The following CYSTM1 variants were observed in gnomAD, a reference collection of about 807,000 sequenced individuals.
CYSTM1 encodes the protein cysteine-rich transmembrane module-containing protein 1.
Under a neutral mutation model 13.1 loss-of-function variants are expected in CYSTM1, and 4 were observed. The ratio of observed to expected loss-of-function variants is 0.31; its 90% CI spans 0.15 to 0.70. CYSTM1 has a LOEUF of 0.70. CYSTM1 is among the 30% of genes least tolerant of loss of function. The probability of loss-of-function intolerance (pLI) is 0.72; values close to 1 mark genes in which losing one functional copy is unlikely to be tolerated. For synonymous variants in CYSTM1, 36 were observed against 42.7 expected (o/e 0.84, Z 0.62); for missense variants, 96 against 121.6 (o/e 0.79, Z 0.99).
chr5:140,241,624 G>T (rs764701311), intron 2 of CYSTM1, among the ~76,000 whole-genome samples: 66 of 152,212 alleles, frequency 4.3e-4, no homozygotes, highest in Non-Finnish European at 8.4e-4. Context: ...CAGGGAAGGG[G>T]TTATTCAAGG....
intron 1 of CYSTM1, among the ~76,000 whole-genome samples, chr5:140,184,792 G>A (rs1478378917): frequency 6.6e-6 from 1 of 152,206 alleles, no homozygotes; most frequent in Non-Finnish European, 1.5e-5. Flanking sequence ...CTCTGTTGAA[G>A]GGAACTTCTC....
At chr5:140,206,789 C>T (rs1270757615) in intron 2 of CYSTM1, among the ~76,000 whole-genome samples, 5 of 152,088 alleles carry the variant, frequency 3.3e-5, no homozygotes, top group East Asian at 1.9e-4. Context: ...TGCCATTGTA[C>T]CTAGCTAATT....
chr5:140,222,230 T>C (rs865781060), intron 2 of CYSTM1, among the ~76,000 whole-genome samples: 6 of 152,386 alleles, frequency 3.9e-5, no homozygotes, highest in Admixed American at 1.3e-4. Context: ...TTATCCCCCA[T>C]GTCTTCCAGT....
At chr5:140,197,769 A>G (rs1413253675) in intron 2 of CYSTM1, among the ~76,000 whole-genome samples, 2 of 146,020 alleles carry the variant, frequency 1.4e-5, no homozygotes, top group East Asian at 2.0e-4. Context: ...AGTGTGTGGC[A>G]TATTATGTTA....
rs112462136 is a variant in CYSTM1 at position 140,229,607 on chromosome 5, G to A, written c.188-13698G>A. ...TTTGAAAACTCATTTTCTATTCCAAGCTCATAAAAATAAGTCTATATTTTC... is the reference window on the plus strand; with the variant it reads ...TTTGAAAACTCATTTTCTATTCCAAACTCATAAAAATAAGTCTATATTTTC... On this transcript the variant is annotated intron_variant, in intron 2 of 2. Transcript: ENST00000261811. Among the ~76,000 whole-genome samples the A allele has an allele frequency of 1.6e-3, 246 of 152,224 alleles. 1 individual carries two copies. Among genetic ancestry groups the A allele is most frequent in the African/African-American group, 5.8e-3 (242 of 41,566 alleles).
intron 2 of CYSTM1, among the ~76,000 whole-genome samples, chr5:140,205,703 C>G (rs1309725761): frequency 1.3e-5 from 2 of 152,134 alleles, no homozygotes; most frequent in Non-Finnish European, 2.9e-5. Flanking sequence ...CCTTGATGAG[C>G]AGTGAGGAAG....
intron 2 of CYSTM1, among the ~76,000 whole-genome samples, chr5:140,195,650 C>A (rs1764146559): frequency 6.6e-6 from 1 of 151,372 alleles, no homozygotes; most frequent in South Asian, 2.1e-4. Flanking sequence ...CCAGGATGGT[C>A]TCAATCTCCT....
chr5:140,242,940 G>A (rs765803495), intron 2 of CYSTM1, among the ~76,000 whole-genome samples: 1 of 152,178 alleles, frequency 6.6e-6, no homozygotes, highest in Non-Finnish European at 1.5e-5. Flanking sequence ...TGGGTGATGG[G>A]TCAGCTGTAT....
intron 2 of CYSTM1, among the ~76,000 whole-genome samples, chr5:140,220,551 C>A (rs898582227): frequency 2.6e-5 from 4 of 152,028 alleles, no homozygotes; most frequent in Non-Finnish European, 5.9e-5. Flanking sequence ...TGAGATGGGT[C>A]TTTGTCTTCT....
In CYSTM1 at chr5:140,243,533, C is replaced by A; in HGVS notation, c.*122C>A. The A allele has an allele frequency of 1.4e-6, 1 of 692,492 alleles. No homozygotes were observed. The highest frequency in any genetic ancestry group is 2.4e-6 in the Non-Finnish European group (1 of 416,870). The allele number at this position is 692,492 out of a possible 1,614,324, so 42.9% of individuals were successfully genotyped here. A position where few individuals can be genotyped will look rare whatever the true frequency, so the allele number is the denominator to read the frequency against. On this transcript the variant is annotated 3_prime_UTR_variant, in exon 3 of 3. Transcript: ENST00000261811. ...AGCTTTGCACAGACACCTCTACCTT[C>A]AGCACTATGGGATTCTAGATTAATG...
intron 2 of CYSTM1, among the ~76,000 whole-genome samples, chr5:140,206,847 T>C (rs575952183): frequency 1.3e-5 from 2 of 152,148 alleles, no homozygotes; most frequent in East Asian, 3.9e-4. Flanking sequence ...ACTGCCCCGG[T>C]TGGTCTTGAG....
intron 2 of CYSTM1, among the ~76,000 whole-genome samples, chr5:140,226,365 A>G (rs1487460394): frequency 6.7e-6 from 1 of 149,202 alleles, no homozygotes; most frequent in Admixed American, 6.8e-5. Flanking sequence ...GCGGTGGCTC[A>G]CATCTATAAT....
chr5:140,207,482 G>A (rs1425102322), intron 2 of CYSTM1, among the ~76,000 whole-genome samples: 1 of 152,216 alleles, frequency 6.6e-6, no homozygotes, highest in Non-Finnish European at 1.5e-5. Context: ...TAGGTCAAAG[G>A]TTTCAGATTA....
chr5:140,228,093 G>A (rs111511006), intron 2 of CYSTM1, among the ~76,000 whole-genome samples: 16 of 152,284 alleles, frequency 1.1e-4, no homozygotes, highest in African/African-American at 3.4e-4. Context: ...GGACTCACCT[G>A]ATAGACATTA....
intron 1 of CYSTM1, among the ~76,000 whole-genome samples, chr5:140,178,489 G>T (rs1252091426): frequency 9.7e-6 from 1 of 103,612 alleles, no homozygotes; most frequent in African/African-American, 3.8e-5. Context: ...TTGCTATGTT[G>T]CCCAGGTTGG....
rs190305001 is a variant in CYSTM1 at position 140,230,768 on chromosome 5, G to T, written c.188-12537G>T. 4.6e-5 allele frequency among the ~76,000 whole-genome samples: 7 copies of T among 152,176 alleles called. No individual in the cohort carries two copies. The East Asian group carries it at 1.4e-3, about 29-fold the overall frequency. ...AGGGATTGGTGTCTTTAATCTTTGG[G>T]GCACAGTTTCAGTCCTTTCCCTATT... On this transcript the variant is annotated intron_variant, in intron 2 of 2. Transcript: ENST00000261811. The surrounding 1 kb of genome is among the most constrained non-coding windows in gnomAD (Gnocchi z 4.1).
chr5:140,190,372 C>T (rs1025525652), intron 1 of CYSTM1, among the ~76,000 whole-genome samples: 2 of 151,748 alleles, frequency 1.3e-5, no homozygotes, highest in African/African-American at 2.4e-5. Context: ...TAATCTTTGT[C>T]CATTCATTTA....
chr5:140,211,549 G>A lies in CYSTM1; in HGVS notation c.187+16897G>A, dbSNP rs61385299. ...CCCCCAGATCTCTGACCCAGAGCCT[G>A]ACATACTTCCATGTATCATGTGGCC... On this transcript the variant is annotated intron_variant, in intron 2 of 2. Coordinates refer to ENST00000261811, the MANE Select transcript of CYSTM1 (RefSeq NM_032412.4). 8.8e-3 allele frequency among the ~76,000 whole-genome samples: 1,337 copies of A among 152,306 alleles called. 17 individuals are homozygous for A. The highest frequency in any genetic ancestry group is 0.03 in the African/African-American group (1,262 of 41,548).
chr5:140,232,173 G>T (rs958906665), intron 2 of CYSTM1, among the ~76,000 whole-genome samples: 1 of 152,208 alleles, frequency 6.6e-6, no homozygotes, highest in Admixed American at 6.5e-5. Flanking sequence ...GGGAACAAGA[G>T]AAAGGAATCA....
Sources: gnomAD v4.1 joint callset for allele counts (sites outside exome capture counted in the v4.1 genomes callset) on GRCh38, gnomAD v4.1.1 for gene constraint, Gnocchi (gnomAD v3.1) non-coding constraint, MANE v1.5 for transcripts, NCBI Gene and HGNC (gene_info 2026-07-23, HGNC 2026-07-21) for gene names.